The following PAPPA2 variants were observed in gnomAD, a reference collection of about 807,000 sequenced individuals.
The protein encoded by PAPPA2 is pappalysin 2, also known as pappalysin-2.
In PAPPA2, 86 loss-of-function variants were observed where a neutral mutation model predicts 176.4. The ratio of observed to expected loss-of-function variants is 0.49; its 90% CI spans 0.41 to 0.58. The LOEUF (loss-of-function observed/expected upper bound fraction) is 0.58. Ranked by LOEUF, PAPPA2 falls within the 20% of genes least tolerant of loss-of-function variation. The pLI is 0.00. For missense variants in PAPPA2, 2,073 were observed against 2,256.9 expected (o/e 0.92, Z 1.65); for synonymous variants, 809 against 852.2 (o/e 0.95, Z 0.88).
chr1:176,711,645 T>G (rs12139722), intron 11 of PAPPA2, among the ~76,000 whole-genome samples, 190 bp from the exon 12 acceptor site: 11,291 of 152,236 alleles, frequency 0.074, 458 homozygotes, highest in South Asian at 0.14. Flanking sequence ...TCTACCCTTG[T>G]AAGTTATATC....
At chr1:176,680,523 A>G (rs1026522304) in intron 4 of PAPPA2, among the ~76,000 whole-genome samples, 1 of 152,238 alleles carries the variant, frequency 6.6e-6, no homozygotes, top group African/African-American at 2.4e-5. Context: ...GTAAGAAACA[A>G]TACAAAAACA....
intron 17 of PAPPA2, among the ~76,000 whole-genome samples, chr1:176,773,105 T>G (rs539281675): frequency 7.7e-4 from 117 of 152,314 alleles, no homozygotes; most frequent in African/African-American, 2.8e-3. Context: ...ACAGCTTTTC[T>G]GACTGAGAAA....
At chr1:176,533,519 G>C (rs965192792) in intron 1 of PAPPA2, among the ~76,000 whole-genome samples, 1 of 152,226 alleles carries the variant, frequency 6.6e-6, no homozygotes, top group Non-Finnish European at 1.5e-5. Flanking sequence ...TTATTCAACT[G>C]TAGTGCTATT....
intron 3 of PAPPA2, among the ~76,000 whole-genome samples, chr1:176,619,095 C>T (rs533731434): frequency 6.6e-6 from 1 of 152,220 alleles, no homozygotes; most frequent in Admixed American, 6.5e-5. Context: ...TAAACCAGGA[C>T]ATACTTCATA....
chr1:176,472,959 A>G (rs191556686), intron 1 of PAPPA2, among the ~76,000 whole-genome samples: 47 of 152,188 alleles, frequency 3.1e-4, no homozygotes, highest in African/African-American at 1.1e-3. Flanking sequence ...TTATGTGCCA[A>G]TTCTCTTACT....
rs762706444 is a variant in PAPPA2 at position 176,823,648 on chromosome 1, G to T, written c.5203-16525G>T. ...TGTCCTTTCAAAATGTGATCTCCAT[G>T]GTTGCCTCCTTGAAGACAGAGGAGG... On this transcript the variant is annotated intron_variant, in intron 21 of 22. Coordinates refer to ENST00000367662, the MANE Select transcript of PAPPA2 (RefSeq NM_020318.3). Among the ~76,000 whole-genome samples, 64 of 152,270 alleles carry T rather than the reference G, an allele frequency of 4.2e-4. 1 individual carries two copies. Among genetic ancestry groups the T allele is most frequent in the Admixed American group, 1.8e-3 (27 of 15,300 alleles).
At position 176,690,299 on chromosome 1, in the gene PAPPA2, C is replaced by G; in HGVS notation, c.2300C>G (p.Thr767Arg). Residue 767 changes from threonine to arginine, a missense_variant, in exon 5 of 23, where the codon ACG becomes AGG. Transcript: ENST00000367662. ...AAGGAGACAGTGCCATCCATGGAAACGGGAGACCTCTGTGCCGACACCGCC... is the reference window on the plus strand; with the variant it reads ...AAGGAGACAGTGCCATCCATGGAAAGGGGAGACCTCTGTGCCGACACCGCC... ...PCKETVPSME[T>R]GDLCADTAPT... The G allele has an allele frequency of 2.5e-6, 4 of 1,614,082 alleles. No individual in the cohort carries two copies. The highest frequency in any genetic ancestry group is 3.4e-6 in the Non-Finnish European group (4 of 1,179,994).
At position 176,557,210 on chromosome 1, in the gene PAPPA2, G is replaced by A. The variant is rs1157075228; in HGVS notation, c.888G>A (p.Glu296=). 3.1e-6 allele frequency: 5 copies of A among 1,605,840 alleles called. No individual in the cohort carries two copies. Among genetic ancestry groups the A allele is most frequent in the Non-Finnish European group, 3.4e-6 (4 of 1,176,358 alleles). The change falls in exon 2 of 23, where the codon GAG becomes GAA. Residue 296 remains glutamate, a synonymous_variant. Transcript: ENST00000367662. Reference sequence around the variant, plus strand: ...CAGTGGAAGCCTGGGTTAAACCGGAGGGAGGACAGAACAACCCAGCCATCA... The same window carrying A: ...CAGTGGAAGCCTGGGTTAAACCGGAAGGAGGACAGAACAACCCAGCCATCA... ...AFTVEAWVKP[E]GGQNNPAIIA... is the part of the protein sequence containing the mutation.
intron 1 of PAPPA2, among the ~76,000 whole-genome samples, chr1:176,474,028 A>G (rs767812295): frequency 1.4e-4 from 22 of 152,238 alleles, no homozygotes; most frequent in Non-Finnish European, 2.9e-5. Flanking sequence ...TGAAAACAGT[A>G]AAGTATGTAT....
At chr1:176,561,615 C>A (rs2102598827) in intron 2 of PAPPA2, among the ~76,000 whole-genome samples, 1 of 152,272 alleles carries the variant, frequency 6.6e-6, no homozygotes, top group East Asian at 1.9e-4. Flanking sequence ...AAAATCCATT[C>A]TTTTTAGCCT....
At chr1:176,476,799 T>C (rs542529869) in intron 1 of PAPPA2, among the ~76,000 whole-genome samples, 42 of 152,370 alleles carry the variant, frequency 2.8e-4, no homozygotes, top group African/African-American at 8.7e-4. Flanking sequence ...TCTGTATGTA[T>C]AGGGAGGATG....
At chr1:176,836,453 C>G (rs1344195581) in intron 21 of PAPPA2, among the ~76,000 whole-genome samples, 1 of 152,210 alleles carries the variant, frequency 6.6e-6, no homozygotes, top group African/African-American at 2.4e-5. Context: ...ACTAACCTTT[C>G]TAAAACATCA....
chr1:176,832,601 C>T (rs1667120157), intron 21 of PAPPA2, among the ~76,000 whole-genome samples: 1 of 152,160 alleles, frequency 6.6e-6, no homozygotes, highest in Non-Finnish European at 1.5e-5. Context: ...GATCCACCCA[C>T]CTCGGCCTCC....
intron 2 of PAPPA2, among the ~76,000 whole-genome samples, chr1:176,592,862 C>G (rs1653746582): frequency 6.6e-6 from 1 of 152,114 alleles, no homozygotes; most frequent in African/African-American, 2.4e-5. Context: ...AATAAGTGGA[C>G]CAGGAGAAAA....
chr1:176,623,662 T>C (rs1473938964), intron 3 of PAPPA2, among the ~76,000 whole-genome samples: 2 of 119,758 alleles, frequency 1.7e-5, no homozygotes, highest in African/African-American at 6.2e-5. Flanking sequence ...TTTCTTTCTT[T>C]CTTTCTTTTT....
chr1:176,495,543 A>T (rs571703603), intron 1 of PAPPA2, among the ~76,000 whole-genome samples: 1 of 151,816 alleles, frequency 6.6e-6, no homozygotes, highest in Non-Finnish European at 1.5e-5. Flanking sequence ...GTTTCAAAAA[A>T]AAAAAAAAAG....
At chr1:176,532,409 G>A (rs1649863896) in intron 1 of PAPPA2, among the ~76,000 whole-genome samples, 1 of 152,206 alleles carries the variant, frequency 6.6e-6, no homozygotes. Context: ...CTGCGTCCAG[G>A]TAATGTGACG....
intron 1 of PAPPA2, among the ~76,000 whole-genome samples, chr1:176,484,692 C>T (rs6669067): frequency 0.38 from 57,676 of 152,092 alleles, 13,053 homozygotes; most frequent in African/African-American, 0.62. Context: ...AGCATTTCTT[C>T]TTGGTCGTTT....
chr1:176,767,548 A>G (rs1005403186), intron 15 of PAPPA2, among the ~76,000 whole-genome samples: 1 of 152,164 alleles, frequency 6.6e-6, no homozygotes, highest in African/African-American at 2.4e-5. Flanking sequence ...GGGTTTCACC[A>G]TGTCAGCCAG....
Sources: allele counts gnomAD v4.1 joint callset (sites outside exome capture counted in the v4.1 genomes callset), GRCh38; gene constraint gnomAD v4.1.1; transcripts MANE v1.5; gene names NCBI Gene and HGNC (gene_info 2026-07-23, HGNC 2026-07-21).